The following ANO1 variants were observed in gnomAD, a reference collection of about 807,000 sequenced individuals.
ANO1 encodes anoctamin-1.
In ANO1, 59 loss-of-function variants were observed where a neutral mutation model predicts 124.0. The observed-to-expected ratio is 0.48, with a 90% CI of 0.39 to 0.59. ANO1 has a LOEUF of 0.59. Among genes scored for constraint, ANO1 ranks in the 20% least tolerant of loss-of-function variants. The pLI, the probability that ANO1 is intolerant of heterozygous loss-of-function variation, is 0.00. For synonymous variants in ANO1, 529 were observed against 532.0 expected, an observed-to-expected ratio of 0.99 and a Z score of 0.08; for missense variants, 1,059 against 1,328.0, an observed-to-expected ratio of 0.80 and a Z score of 3.15.
chr11:70,031,123 T>C (rs1211405310), intron 1 of ANO1, among the ~76,000 whole-genome samples: 4 of 152,146 alleles, frequency 2.6e-5, no homozygotes, highest in Non-Finnish European at 4.4e-5. Context: ...TTTTGCGTTT[T>C]TCGTAGAGAT....
rs566907522 is a variant in ANO1, at chr11:69,991,065, G to A, written c.58+4899G>A. On this transcript the variant is annotated intron_variant, in intron 1 of 27. Transcript: ENST00000531349. Reference sequence around the variant, plus strand: ...ATTCAAGGTTGCAATGATCTACCCCGATGTTTTCCTCTAAGAGTTTTATGC... The same window carrying A: ...ATTCAAGGTTGCAATGATCTACCCCAATGTTTTCCTCTAAGAGTTTTATGC... 4.6e-4 allele frequency among the ~76,000 whole-genome samples: 70 copies of A among 152,216 alleles called. No individual in the cohort carries two copies. The South Asian group carries it at 0.012, about 25-fold the overall frequency.
intron 2 of ANO1, among the ~76,000 whole-genome samples, chr11:70,102,684 C>T (rs1359526992): frequency 6.6e-6 from 1 of 152,172 alleles, no homozygotes; most frequent in Admixed American, 6.5e-5. Context: ...AGGTGGAGGC[C>T]GAGGGGCCTG....
In ANO1 at chr11:70,108,399, G is replaced by C; in HGVS notation, c.794G>C (p.Ser265Thr). ...ACGACGTGTACAAAGGCCAAGTACA[G>C]CATGGGTAAGCACGTTTTTGGGGCT... is the stretch of plus-strand genomic sequence containing the variant. ...KRTTCTKAKY[S>T]MGITSLLANG... The change falls in exon 6 of 26, where the codon AGC becomes ACC. Residue 265 changes from serine (S) to threonine (T), a missense_variant. By Grantham distance (58) the Ser-to-Thr change is moderately conservative (BLOSUM62 1). Transcript: ENST00000355303. The C allele has an allele frequency of 6.2e-7, 1 of 1,611,956 alleles. No homozygotes were observed. Among genetic ancestry groups the C allele is most frequent in the Non-Finnish European group, 8.5e-7 (1 of 1,178,418 alleles).
chr11:70,097,273 C>G (rs994181658), intron 2 of ANO1, among the ~76,000 whole-genome samples: 2 of 152,200 alleles, frequency 1.3e-5, no homozygotes, highest in Non-Finnish European at 2.9e-5. Flanking sequence ...CGGCTGCATT[C>G]CTTGGGTCCT....
intron 1 of ANO1, among the ~76,000 whole-genome samples, chr11:70,082,806 C>T (rs1256733236): frequency 6.6e-6 from 1 of 152,222 alleles, no homozygotes; most frequent in Non-Finnish European, 1.5e-5. Context: ...TAAAGTCACA[C>T]GCACTGGTCC....
intron 18 of ANO1, among the ~76,000 whole-genome samples, chr11:70,162,457 C>A (rs906288847): frequency 6.6e-6 from 1 of 152,128 alleles, no homozygotes. Context: ...AAAGTGGGGA[C>A]AAGGAGAGAG....
At chr11:70,176,358 G>T (rs1053040016) in intron 22 of ANO1, among the ~76,000 whole-genome samples, 1 of 151,994 alleles carries the variant, frequency 6.6e-6, no homozygotes, top group Admixed American at 6.6e-5. Context: ...TGTTGGCCAG[G>T]CTGGTCTCCA....
At chr11:70,110,017 G>A (rs980290599) in intron 6 of ANO1, among the ~76,000 whole-genome samples, 1 of 152,110 alleles carries the variant, frequency 6.6e-6, no homozygotes, top group Non-Finnish European at 1.5e-5. Flanking sequence ...CTTGCAGGAT[G>A]AGCAGGGTGG....
At chr11:70,009,163 C>T (rs945619403) in intron 1 of ANO1, among the ~76,000 whole-genome samples, 1 of 152,178 alleles carries the variant, frequency 6.6e-6, no homozygotes, top group South Asian at 2.1e-4. Context: ...GAATTTATGC[C>T]AATTTGGAAA....
intron 1 of ANO1, among the ~76,000 whole-genome samples, chr11:70,023,795 T>G (rs535923405): frequency 2.6e-5 from 4 of 152,172 alleles, no homozygotes; most frequent in African/African-American, 9.7e-5. Flanking sequence ...ATCCCAGCCA[T>G]GTGTGGGCCA....
Position 70,188,887 on chromosome 11 carries a change from GT to G in ANO1, c.*891del, listed in dbSNP as rs11436389. On this transcript the variant is annotated 3_prime_UTR_variant, in exon 26 of 26. Coordinates refer to ENST00000355303, the MANE Select transcript of ANO1 (RefSeq NM_018043.7). ...CCTGGAAGCTTTAGAATATTTATGG[GT>G]TTTTTTTCAAATATCAATTATATGG... 1.3e-5 allele frequency: 2 copies of G among 151,152 alleles called. No individual in the cohort carries two copies. Among genetic ancestry groups the G allele is most frequent in the East Asian group, 2.0e-4 (1 of 5,084 alleles). The allele number at this position is 151,152 out of a possible 1,614,324, so 9.4% of individuals were successfully genotyped here. A position where few individuals can be genotyped will look rare whatever the true frequency, so the allele number is the denominator to read the frequency against.
chr11:70,161,624 G>T lies in ANO1; in HGVS notation c.1783G>T (p.Val595Phe), dbSNP rs370528225. ...CIARWLTKIE[V>F]PKTEKSFEER... is the part of the protein sequence containing the mutation. Reference sequence around the variant, plus strand: ...TATCATCCTACCCCTCCCTCTAGAGGTCCCAAAGACGGAGAAAAGCTTTGA... The same window carrying T: ...TATCATCCTACCCCTCCCTCTAGAGTTCCCAAAGACGGAGAAAAGCTTTGA... The change falls in exon 18 of 26, where the codon GTC (valine) becomes TTC (phenylalanine). Residue 595 changes from valine (V) to phenylalanine (F), a missense_variant and splice_region_variant. Coordinates refer to ENST00000355303, the MANE Select transcript of ANO1 (RefSeq NM_018043.7). 10 of 1,613,810 alleles carry T rather than the reference G, an allele frequency of 6.2e-6. No individual in the cohort carries two copies. In the African/African-American group the frequency reaches 9.3e-5, roughly 15 times the overall value.
intron 1 of ANO1, among the ~76,000 whole-genome samples, chr11:70,049,748 TCTCA>T (rs2135078605): frequency 6.6e-6 from 1 of 152,150 alleles, no homozygotes; most frequent in East Asian, 1.9e-4. Flanking sequence ...TGAGGTGGAG[TCTCA>T]CTCTGTTGCG....
chr11:70,037,146 G>C (rs985342869), intron 1 of ANO1, among the ~76,000 whole-genome samples: 2 of 152,142 alleles, frequency 1.3e-5, no homozygotes, highest in Non-Finnish European at 2.9e-5. Context: ...CCAGGTGGAA[G>C]TGCCTCTCGG....
the ANO1 span, among the ~76,000 whole-genome samples, chr11:69,968,101 A>G: frequency 4.6e-5 from 7 of 152,190 alleles, 1 homozygote; most frequent in Admixed American, 2.6e-4. Context: ...CTTCATCCCA[A>G]GGTTTATCGA....
At position 70,163,630 on chromosome 11, in the gene ANO1, CT is replaced by C. The variant is rs762093975; in HGVS notation, c.1950+292del. ...TTTTTTTGTGAGACTGAATATTTCTCTTCTGGTTAAGATGAATTAATGAGGG... is the reference window on the plus strand; with the variant it reads ...TTTTTTTGTGAGACTGAATATTTCTCTCTGGTTAAGATGAATTAATGAGGG... On this transcript the variant is annotated intron_variant, in intron 19 of 25. Transcript: ENST00000355303. 2.0e-4 allele frequency: 119 copies of C among 596,038 alleles called. 1 individual carries two copies. The highest frequency in any genetic ancestry group is 3.0e-4 in the Non-Finnish European group (101 of 338,844). The allele number at this position is 596,038 out of a possible 1,614,324, so 36.9% of individuals were successfully genotyped here.
intron 1 of ANO1, among the ~76,000 whole-genome samples, chr11:69,995,343 C>A (rs908917568): frequency 6.6e-6 from 1 of 152,104 alleles, no homozygotes; most frequent in Non-Finnish European, 1.5e-5. Flanking sequence ...GTGATCTACC[C>A]ACCTCAGCCT....
At chr11:70,071,056 G>A (rs981124557) in intron 1 of ANO1, among the ~76,000 whole-genome samples, 10 of 152,198 alleles carry the variant, frequency 6.6e-5, no homozygotes, top group African/African-American at 2.2e-4. Context: ...GCCCCTGGGT[G>A]TCCTCCTGGA....
At chr11:70,180,117 G>A (rs1407300163) in intron 23 of ANO1, 61 bp downstream of exon 23, 1 of 1,507,900 alleles carries the variant, frequency 6.6e-7, no homozygotes, top group Non-Finnish European at 9.2e-7. Context: ...AGGTGGCCGG[G>A]GCCCTGTGGA....
Sources: gnomAD v4.1 joint callset for allele counts (sites outside exome capture counted in the v4.1 genomes callset) on GRCh38, gnomAD v4.1.1 for gene constraint, MANE v1.5 for transcripts, NCBI Gene and HGNC (gene_info 2026-07-23, HGNC 2026-07-21) for gene names.